The following ERICH6B variants were observed in gnomAD, a reference collection of about 807,000 sequenced individuals.
ERICH6B encodes glutamate-rich protein 6B.
In ERICH6B, 69 loss-of-function variants were observed where a neutral mutation model predicts 80.0. The observed-to-expected ratio is 0.86, with a 90% CI of 0.71 to 1.05. ERICH6B has a LOEUF of 1.05. Among genes scored for constraint, ERICH6B ranks in the 50% least tolerant of loss-of-function variants. ERICH6B has a pLI of 0.00. For synonymous variants in ERICH6B, 283 were observed against 291.9 expected (o/e 0.97, Z 0.31); for missense variants, 754 against 796.1 (o/e 0.95, Z 0.64).
At chr13:45,549,827 G>A in intron 13 of ERICH6B, 66 bp downstream of exon 13, 1 of 1,494,910 alleles carries the variant, frequency 6.7e-7, no homozygotes, top group South Asian at 1.3e-5. Flanking sequence ...TACAGTCTGG[G>A]AGTCACGCTT....
rs28593713 is a variant in ERICH6B, at chr13:45,596,717, A to G, written c.289T>C (p.Tyr97His). The change falls in exon 3 of 15, where the codon TAT (tyrosine) becomes CAT (histidine). Residue 97 changes from tyrosine (Y) to histidine (H), a missense_variant. Transcript: ENST00000298738. ...GKEEHLEEEE[Y>H]LEKAGYLEEE... ...TCCAGATACCCTGCCTTCTCCAGAT[A>G]CTCTTCCTCCTCCAGATGCTCTTCC... is the stretch of plus-strand genomic sequence containing the variant. The G allele has an allele frequency of 6.5e-7, 1 of 1,548,584 alleles. No individual in the cohort carries two copies. Among genetic ancestry groups the G allele is most frequent in the Non-Finnish European group, 8.7e-7 (1 of 1,146,114 alleles).
rs567543897 is a variant in ERICH6B at position 45,561,326 on chromosome 13, A to G, written c.1407+43T>C. On this transcript the variant is annotated intron_variant, in intron 11 of 14. Transcript: ENST00000298738. ...GCACACCTCACCAGAGCCAAAAAAAATCCTGTGCAAAGTAAAAAACAGCAA... is the reference window on the plus strand; with the variant it reads ...GCACACCTCACCAGAGCCAAAAAAAGTCCTGTGCAAAGTAAAAAACAGCAA... 30 of 1,535,936 alleles carry G rather than the reference A, an allele frequency of 2.0e-5. No individual in the cohort carries two copies. In the East Asian group the frequency reaches 6.6e-4, roughly 34 times the overall value.
At chr13:45,584,461 G>A (rs1875812241) in intron 5 of ERICH6B, among the ~76,000 whole-genome samples, 1 of 152,178 alleles carries the variant, frequency 6.6e-6, no homozygotes, top group African/African-American at 2.4e-5. Context: ...ACTCATTGTG[G>A]TTGAACAATT....
chr13:45,594,894 A>G (rs970143252), intron 3 of ERICH6B, among the ~76,000 whole-genome samples: 2 of 152,246 alleles, frequency 1.3e-5, no homozygotes, highest in African/African-American at 4.8e-5. Context: ...GAATATGGCC[A>G]TGCAGTCACG....
chr13:45,611,127 C>A (rs1216452202), intron 1 of ERICH6B, among the ~76,000 whole-genome samples: 1 of 152,116 alleles, frequency 6.6e-6, no homozygotes, highest in Non-Finnish European at 1.5e-5. Flanking sequence ...TTTTCTTTAA[C>A]TAATTAAGAA....
intron 13 of ERICH6B, among the ~76,000 whole-genome samples, chr13:45,545,735 C>T (rs1028146283): frequency 2.0e-5 from 3 of 152,218 alleles, no homozygotes; most frequent in African/African-American, 7.2e-5. Flanking sequence ...CAGCTTCTTG[C>T]ACAACACTGC....
chr13:45,552,318 T>C (rs1340837498), intron 11 of ERICH6B, among the ~76,000 whole-genome samples: 1 of 152,260 alleles, frequency 6.6e-6, no homozygotes, highest in East Asian at 1.9e-4. Context: ...TGTCCCCATG[T>C]TGGTGGATTG....
At chr13:45,612,683 C>T (rs190006873) in intron 1 of ERICH6B, among the ~76,000 whole-genome samples, 110 of 152,322 alleles carry the variant, frequency 7.2e-4, no homozygotes, top group African/African-American at 2.5e-3. Context: ...CTCTTCCTCC[C>T]GCTGCTGACC....
intron 8 of ERICH6B, among the ~76,000 whole-genome samples, chr13:45,571,696 C>A (rs1266776200): frequency 1.3e-5 from 2 of 152,194 alleles, no homozygotes; most frequent in Non-Finnish European, 2.9e-5. Context: ...AGACTGTGAT[C>A]GTTTGGAGAT....
intron 3 of ERICH6B, among the ~76,000 whole-genome samples, chr13:45,591,749 C>T (rs1282676780): frequency 6.6e-6 from 1 of 152,122 alleles, no homozygotes; most frequent in Non-Finnish European, 1.5e-5. Flanking sequence ...ACAACAAGGA[C>T]CATCACTACC....
Position 45,541,459 on chromosome 13 carries a change from G to T in ERICH6B, c.*3C>A. On this transcript the variant is annotated 3_prime_UTR_variant, in exon 15 of 15. Coordinates refer to ENST00000298738, the MANE Select transcript of ERICH6B (RefSeq NM_182542.3). ...ATTTGGTGGATGCCAGATAAGCCCC[G>T]CCTTAAAACCAGAGTTTAGAGAGCA... is the stretch of plus-strand genomic sequence containing the variant. The T allele has an allele frequency of 6.4e-7, 1 of 1,551,340 alleles. No homozygotes were observed. Among genetic ancestry groups the T allele is most frequent in the Non-Finnish European group, 8.7e-7 (1 of 1,146,544 alleles).
intron 11 of ERICH6B, 30 bp downstream of exon 11, chr13:45,561,339 T>TA: frequency 6.5e-7 from 1 of 1,541,568 alleles, no homozygotes; most frequent in Non-Finnish European, 8.8e-7. Context: ...CTGTGCAAAG[T>TA]AAAAAACAGC....
At chr13:45,547,142 T>A (rs1160739241) in intron 13 of ERICH6B, among the ~76,000 whole-genome samples, 1 of 152,200 alleles carries the variant, frequency 6.6e-6, no homozygotes, top group Non-Finnish European at 1.5e-5. Flanking sequence ...TTTCCTCAAC[T>A]GTAAAAAGCA....
intron 2 of ERICH6B, 36 bp from the exon 3 acceptor site, chr13:45,597,099 G>C: frequency 9.7e-6 from 13 of 1,344,670 alleles, no homozygotes; most frequent in Non-Finnish European, 1.3e-5. Context: ...CTATTAGCCA[G>C]TAATAGCAAA....
intron 4 of ERICH6B, among the ~76,000 whole-genome samples, chr13:45,588,817 C>T (rs75777259): frequency 0.028 from 4,265 of 152,284 alleles, 183 homozygotes; most frequent in African/African-American, 0.097. Flanking sequence ...CGGGTTCTAG[C>T]CACCTGGGCT....
chr13:45,554,528 T>C (rs1192243266), intron 11 of ERICH6B, among the ~76,000 whole-genome samples: 1 of 152,220 alleles, frequency 6.6e-6, no homozygotes, highest in Non-Finnish European at 1.5e-5. Flanking sequence ...TTGAGATGCT[T>C]TCTGTTCGTC....
chr13:45,590,583 G>A, intron 4 of ERICH6B, 66 bp downstream of exon 4: 1 of 1,452,172 alleles, frequency 6.9e-7, no homozygotes, highest in African/African-American at 1.4e-5. Context: ...TGTTCTCCAA[G>A]GGCTGCTGAA....
intron 7 of ERICH6B, among the ~76,000 whole-genome samples, chr13:45,576,802 T>C (rs1875425057): frequency 6.6e-6 from 1 of 152,168 alleles, no homozygotes; most frequent in Admixed American, 6.5e-5. Flanking sequence ...CACTGAATAC[T>C]CAACAGTGGT....
chr13:45,573,184 C>T (rs1875249091), intron 8 of ERICH6B, among the ~76,000 whole-genome samples: 2 of 152,088 alleles, frequency 1.3e-5, no homozygotes, highest in Non-Finnish European at 2.9e-5. Context: ...TACACACACA[C>T]ACGCAATACA....
Sources: gnomAD v4.1 joint callset for allele counts (sites outside exome capture counted in the v4.1 genomes callset) on GRCh38, gnomAD v4.1.1 for gene constraint, MANE v1.5 for transcripts, NCBI Gene and HGNC (gene_info 2026-07-23, HGNC 2026-07-21) for gene names.